The following WWTR1 variants were observed in gnomAD, a reference collection of about 807,000 sequenced individuals.
The protein encoded by WWTR1 is WW domain containing transcription regulator 1.
In WWTR1, 13 loss-of-function variants were observed where a neutral mutation model predicts 40.1. The ratio of observed to expected loss-of-function variants is 0.32; its 90% CI spans 0.21 to 0.52. The LOEUF is 0.52. Among genes scored for constraint, WWTR1 ranks in the 20% least tolerant of loss-of-function variants. The pLI is 0.97. For synonymous variants in WWTR1, 230 were observed against 210.1 expected (o/e 1.09, Z -0.82); for missense variants, 436 against 523.1 (o/e 0.83, Z 1.63).
intron 4 of WWTR1, among the ~76,000 whole-genome samples, chr3:149,722,162 T>C (rs966820997): frequency 2.0e-5 from 3 of 152,140 alleles, no homozygotes; most frequent in Admixed American, 2.0e-4. Context: ...ATTTTGTTGA[T>C]CTTTTGGAAG....
At chr3:149,600,184 G>A (rs1048401889) in intron 2 of WWTR1, among the ~76,000 whole-genome samples, 1 of 151,824 alleles carries the variant, frequency 6.6e-6, no homozygotes, top group African/African-American at 2.4e-5. Context: ...AATCCTTTCC[G>A]GACACCAAGG....
At chr3:149,613,226 G>A (rs1739814157) in intron 2 of WWTR1, among the ~76,000 whole-genome samples, 1 of 152,194 alleles carries the variant, frequency 6.6e-6, no homozygotes, top group African/African-American at 2.4e-5. Context: ...GAAATGTAAA[G>A]GCACAGGACC....
At chr3:149,707,314 G>A (rs536976040), upstream of WWTR1, among the ~76,000 whole-genome samples, 1 of 152,156 alleles carries the variant, frequency 6.6e-6, no homozygotes, top group Non-Finnish European at 1.5e-5. Context: ...CCATGCAGAG[G>A]GGTTAGTGTC....
chr3:149,613,432 A>G (rs1252870742), intron 2 of WWTR1, among the ~76,000 whole-genome samples: 1 of 152,222 alleles, frequency 6.6e-6, no homozygotes, highest in Admixed American at 6.5e-5. Flanking sequence ...ATGAAGGGTA[A>G]AAGCTTGCTG....
At chr3:149,610,192 T>C (rs1739669034) in intron 2 of WWTR1, among the ~76,000 whole-genome samples, 1 of 152,260 alleles carries the variant, frequency 6.6e-6, no homozygotes, top group African/African-American at 2.4e-5. Context: ...AAAATCATAA[T>C]ATCCATACTT....
At chr3:149,530,568 CCTAG>C (rs973169395) in intron 4 of WWTR1, among the ~76,000 whole-genome samples, 35 of 151,644 alleles carry the variant, frequency 2.3e-4, no homozygotes, top group Admixed American at 2.3e-3. Flanking sequence ...TTAAATTACT[CCTAG>C]CTATTTCCAG....
intron 1 of WWTR1, among the ~76,000 whole-genome samples, chr3:149,696,323 T>TG (rs2108218641): frequency 6.6e-6 from 1 of 152,178 alleles, no homozygotes; most frequent in South Asian, 2.1e-4. Flanking sequence ...TGGAAAGACA[T>TG]GCTTGGCTCC....
chr3:149,563,158 C>T (rs1003957622), intron 3 of WWTR1, among the ~76,000 whole-genome samples: 9 of 151,992 alleles, frequency 5.9e-5, no homozygotes, highest in Admixed American at 1.3e-4. Context: ...GTCTACAGCT[C>T]GGTGAAGAAA....
chr3:149,535,043 C>T lies in WWTR1; in HGVS notation c.772-7074G>A, dbSNP rs527903704. ...GCTGAAAGCATCTGCAGCTCTGTCCCGCCTTGGCTGAGGGAACACTCTGCC... is the reference window on the plus strand; with the variant it reads ...GCTGAAAGCATCTGCAGCTCTGTCCTGCCTTGGCTGAGGGAACACTCTGCC... On this transcript the variant is annotated intron_variant, in intron 4 of 6. Coordinates refer to ENST00000360632, the MANE Select transcript of WWTR1 (RefSeq NM_015472.6). Among the ~76,000 whole-genome samples the T allele has an allele frequency of 1.1e-4, 17 of 152,200 alleles. 1 individual carries two copies. The highest frequency in any genetic ancestry group is 5.9e-4 in the Admixed American group (9 of 15,278).
chr3:149,614,797 A>G (rs914747464), intron 2 of WWTR1, among the ~76,000 whole-genome samples: 1 of 152,188 alleles, frequency 6.6e-6, no homozygotes, highest in African/African-American at 2.4e-5. Context: ...AGCCTGGCCA[A>G]CATGGTGAAA....
intron 3 of WWTR1, among the ~76,000 whole-genome samples, chr3:149,552,427 T>A (rs1250486669): frequency 2.0e-5 from 3 of 152,332 alleles, no homozygotes; most frequent in Admixed American, 1.3e-4. Flanking sequence ...ATAGGCTTTT[T>A]AAATTTCAAA....
Position 149,566,829 on chromosome 3 carries a change from A to T in WWTR1, c.568+6035T>A, listed in dbSNP as rs543304003. Among the ~76,000 whole-genome samples, 144 of 150,738 alleles carry T rather than the reference A, an allele frequency of 9.6e-4. 1 individual carries two copies. Among genetic ancestry groups the T allele is most frequent in the Middle Eastern group, 6.8e-3 (2 of 292 alleles). Reference sequence around the variant, plus strand: ...CCTGAAAAGAAAAAAAAAAAAAAACACACATGTGTTTATAATTTGAAGTAC... The same window carrying T: ...CCTGAAAAGAAAAAAAAAAAAAAACTCACATGTGTTTATAATTTGAAGTAC... On this transcript the variant is annotated intron_variant, in intron 3 of 6. Transcript: ENST00000360632.
intron 3 of WWTR1, among the ~76,000 whole-genome samples, chr3:149,547,744 C>T (rs1736431047): frequency 6.6e-6 from 1 of 151,782 alleles, no homozygotes; most frequent in Non-Finnish European, 1.5e-5. Flanking sequence ...TTTTGTTTTT[C>T]CTTCCAAGAG....
At chr3:149,692,164 A>G (rs1204794129) in intron 1 of WWTR1, among the ~76,000 whole-genome samples, 2 of 152,132 alleles carry the variant, frequency 1.3e-5, no homozygotes, top group African/African-American at 4.8e-5. Context: ...ATTAAAAAAA[A>G]AAAGAGAGAA....
At chr3:149,685,548 C>A (rs1487854486) in intron 1 of WWTR1, among the ~76,000 whole-genome samples, 1 of 152,196 alleles carries the variant, frequency 6.6e-6, no homozygotes, top group Admixed American at 6.5e-5. Flanking sequence ...GCAACCAAAA[C>A]CTTCTTCAGG....
chr3:149,665,191 T>C (rs1713759835), intron 2 of WWTR1, among the ~76,000 whole-genome samples: 1 of 151,684 alleles, frequency 6.6e-6, no homozygotes, highest in African/African-American at 2.4e-5. Flanking sequence ...TGCACCATGA[T>C]CTATAATAAC....
At chr3:149,674,054 T>TTCAAAAAAA (rs1714179960) in intron 1 of WWTR1, among the ~76,000 whole-genome samples, 1 of 29,704 alleles carries the variant, frequency 3.4e-5, no homozygotes, top group Non-Finnish European at 7.9e-5. Flanking sequence ...ACCTCGTCTC[T>TTCAAAAAAA]ACAAAAAAAA....
At chr3:149,709,445 G>A (rs61204318) in intron 5 of WWTR1, among the ~76,000 whole-genome samples, 53,455 of 151,784 alleles carry the variant, frequency 0.35, 9,692 homozygotes, top group African/African-American at 0.43. Context: ...CAAATTATTT[G>A]CCCATTTTTA....
At chr3:149,595,112 C>T (rs1407930421) in intron 2 of WWTR1, among the ~76,000 whole-genome samples, 1 of 151,674 alleles carries the variant, frequency 6.6e-6, no homozygotes, top group Non-Finnish European at 1.5e-5. Context: ...CAGGCATGCA[C>T]CACCACGCCC....
Sources: allele counts gnomAD v4.1 joint callset (sites outside exome capture counted in the v4.1 genomes callset), GRCh38; gene constraint gnomAD v4.1.1; transcripts MANE v1.5; gene names NCBI Gene and HGNC (gene_info 2026-07-23, HGNC 2026-07-21).